Variants in UBE2E3 observed in about 807,000 individuals in gnomAD.
UBE2E3 encodes ubiquitin-conjugating enzyme E2 E3.
UBE2E3 carries 5 observed loss-of-function variants against 23.6 expected under a neutral mutation model. That is an observed-to-expected ratio of 0.21 (90% CI 0.11 to 0.44). UBE2E3 has a LOEUF of 0.44. Among genes scored for constraint, UBE2E3 ranks in the 20% least tolerant of loss-of-function variants. The pLI is 0.99. For synonymous variants in UBE2E3, 78 were observed against 87.5 expected (o/e 0.89, Z 0.60); for missense variants, 81 against 249.8 (o/e 0.32, Z 4.55).
chr2:181,025,418 G>C (rs569511773), intron 3 of UBE2E3, among the ~76,000 whole-genome samples: 2 of 151,798 alleles, frequency 1.3e-5, no homozygotes, highest in Non-Finnish European at 3.0e-5. Context: ...TTCCCTGACA[G>C]TTTATGTTAA....
intron 3 of UBE2E3, among the ~76,000 whole-genome samples, chr2:180,997,465 T>G (rs551608752): frequency 6.6e-6 from 1 of 152,244 alleles, no homozygotes; most frequent in South Asian, 2.1e-4. Flanking sequence ...GTCTTCTTTC[T>G]CCCACTCTCC....
At chr2:181,003,961 AC>A (rs1221108625) in intron 3 of UBE2E3, among the ~76,000 whole-genome samples, 11 of 152,244 alleles carry the variant, frequency 7.2e-5, no homozygotes, top group Non-Finnish European at 1.6e-4. Flanking sequence ...CTAAAGACAG[AC>A]TAATAAATGA....
intron 3 of UBE2E3, chr2:180,990,012 TAGAA>T (rs1417842671): frequency 1.6e-5 from 24 of 1,502,510 alleles, no homozygotes; most frequent in South Asian, 5.0e-5. Context: ...TCTAGAGAAA[TAGAA>T]AGTGATTTTT....
chr2:181,023,011 T>G (rs1685756899), intron 3 of UBE2E3, among the ~76,000 whole-genome samples: 1 of 152,238 alleles, frequency 6.6e-6, no homozygotes, highest in African/African-American at 2.4e-5. Flanking sequence ...GTGGTTCCAC[T>G]TAATGTTTTT....
intron 3 of UBE2E3, among the ~76,000 whole-genome samples, chr2:181,040,378 C>G (rs1401700840): frequency 6.6e-6 from 1 of 152,106 alleles, no homozygotes; most frequent in East Asian, 1.9e-4. Flanking sequence ...TCTTTTATCC[C>G]TACTACAGTG....
At chr2:181,022,734 A>G (rs947653688) in intron 3 of UBE2E3, among the ~76,000 whole-genome samples, 1 of 152,140 alleles carries the variant, frequency 6.6e-6, no homozygotes, top group Admixed American at 6.5e-5. Flanking sequence ...AAAAAAAACA[A>G]AAAACAAAAA....
chr2:181,020,218 C>T lies in UBE2E3; in HGVS notation c.245+36125C>T, dbSNP rs548739174. 7.7e-4 allele frequency among the ~76,000 whole-genome samples: 116 copies of T among 149,916 alleles called. 1 individual carries two copies. The highest frequency in any genetic ancestry group is 4.7e-3 in the South Asian group (22 of 4,722). On this transcript the variant is annotated intron_variant, in intron 3 of 5. Transcript: ENST00000410062. ...ATAAGATGTGGACAGGGCCGTGCTC[C>T]CTCTGAAATCTGTAGGGGGAGCATC...
chr2:180,997,606 C>T (rs1176646403), intron 3 of UBE2E3, among the ~76,000 whole-genome samples: 1 of 152,152 alleles, frequency 6.6e-6, no homozygotes, highest in Non-Finnish European at 1.5e-5. Context: ...ATGGATTTCC[C>T]TTAGAATCCT....
chr2:181,028,546 A>G (rs1441951841), intron 3 of UBE2E3, among the ~76,000 whole-genome samples: 3 of 152,172 alleles, frequency 2.0e-5, no homozygotes, highest in Non-Finnish European at 2.9e-5. Context: ...TTTGCGCTGC[A>G]GGTTTATCAA....
intron 3 of UBE2E3, among the ~76,000 whole-genome samples, chr2:181,010,415 C>T (rs965814042): frequency 7.2e-5 from 11 of 151,982 alleles, no homozygotes; most frequent in African/African-American, 1.7e-4. Context: ...GTACAAGTCG[C>T]GCTCTTATTG....
At chr2:180,988,699 C>T (rs966526696) in intron 3 of UBE2E3, among the ~76,000 whole-genome samples, 20 of 152,154 alleles carry the variant, frequency 1.3e-4, no homozygotes, top group Middle Eastern at 3.4e-3. Context: ...TTCTAATTGG[C>T]GTATGAAAGC....
intron 3 of UBE2E3, among the ~76,000 whole-genome samples, chr2:180,992,328 C>T (rs1462051988): frequency 6.6e-6 from 1 of 152,078 alleles, no homozygotes; most frequent in Non-Finnish European, 1.5e-5. Context: ...AATTCTTAAA[C>T]ACAAGTATTA....
chr2:181,014,430 C>T (rs1685426711), intron 3 of UBE2E3, among the ~76,000 whole-genome samples: 2 of 151,842 alleles, frequency 1.3e-5, no homozygotes, highest in Non-Finnish European at 1.5e-5. Context: ...TGAGTGTAAA[C>T]GGAGAGGATG....
intron 3 of UBE2E3, among the ~76,000 whole-genome samples, chr2:181,033,212 G>A (rs1236660577): frequency 1.1e-4 from 17 of 152,118 alleles, no homozygotes; most frequent in Non-Finnish European, 1.0e-4. Context: ...AAAAGAGCCC[G>A]CATTGCCAAG....
At chr2:181,057,547 A>G (rs558774782) in intron 3 of UBE2E3, 146 bp from the exon 4 acceptor site, 86 of 614,152 alleles carry the variant, frequency 1.4e-4, no homozygotes, top group Non-Finnish European at 2.2e-4. Flanking sequence ...TGCACATGCA[A>G]ACACATTGGG....
chr2:181,025,064 A>G (rs1685841491), intron 3 of UBE2E3, among the ~76,000 whole-genome samples: 1 of 152,032 alleles, frequency 6.6e-6, no homozygotes, highest in Admixed American at 6.6e-5. Context: ...TTAGTTAGCC[A>G]CATGGAGATA....
At chr2:181,009,383 T>TTTACCCATTCACATGCAGTTC (rs1181948748) in intron 3 of UBE2E3, among the ~76,000 whole-genome samples, 2 of 152,128 alleles carry the variant, frequency 1.3e-5, no homozygotes, top group African/African-American at 4.8e-5. Flanking sequence ...AAATGCAGTT[T>TTTACCCATTCACATGCAGTTC]TTACCCATTC....
chr2:181,008,708 G>C (rs545325435), intron 3 of UBE2E3, among the ~76,000 whole-genome samples: 94 of 152,308 alleles, frequency 6.2e-4, no homozygotes, highest in African/African-American at 2.2e-3. Flanking sequence ...TAGTTAAAGG[G>C]AACGTCAGTG....
intron 3 of UBE2E3, among the ~76,000 whole-genome samples, chr2:181,040,911 T>C (rs1256686951): frequency 7.0e-6 from 1 of 142,792 alleles, no homozygotes; most frequent in Admixed American, 6.9e-5. Flanking sequence ...AAGTAGACTC[T>C]TAGAGGTTCC....
Sources: gnomAD v4.1 joint callset for allele counts (sites outside exome capture counted in the v4.1 genomes callset) on GRCh38, gnomAD v4.1.1 for gene constraint, MANE v1.5 for transcripts, NCBI Gene and HGNC (gene_info 2026-07-23, HGNC 2026-07-21) for gene names.